Variants in PCDH15 observed in about 807,000 individuals in gnomAD.
The protein encoded by PCDH15 is protocadherin related 15.
A neutral mutation model predicts 178.5 loss-of-function variants in PCDH15; 129 were observed. That is an observed-to-expected ratio of 0.72 (90% CI 0.63 to 0.84). The LOEUF is 0.84. PCDH15 is among the 40% of genes least tolerant of loss of function. PCDH15 has a pLI of 0.00. For missense variants in PCDH15, 2,230 were observed against 2,099.9 expected, an observed-to-expected ratio of 1.06 and a Z score of -1.21; for synonymous variants, 800 against 732.0, an observed-to-expected ratio of 1.09 and a Z score of -1.50.
In PCDH15 at chr10:54,873,169, G is replaced by A. The variant is rs187125522; in HGVS notation, c.-29+24281C>T. Among the ~76,000 whole-genome samples the A allele has an allele frequency of 2.2e-3, 340 of 152,038 alleles. 1 individual carries two copies. Among genetic ancestry groups the A allele is most frequent in the African/African-American group, 7.5e-3 (311 of 41,484 alleles). On this transcript the variant is annotated intron_variant, in intron 3 of 5. Transcript: ENST00000458638. ...TGAATTGATACACTTTCTAAAAAGGGGATATGTTTTTTATATATCGTAGGT... is the reference window on the plus strand; with the variant it reads ...TGAATTGATACACTTTCTAAAAAGGAGATATGTTTTTTATATATCGTAGGT...
chr10:54,448,472 AG>A (rs796574045), intron 3 of PCDH15, among the ~76,000 whole-genome samples: 6 of 151,710 alleles, frequency 4.0e-5, no homozygotes, highest in African/African-American at 9.6e-5. Flanking sequence ...TTAAATTGGG[AG>A]GGGGTATGTT....
chr10:54,590,535 C>T (rs76956723), intron 2 of PCDH15, among the ~76,000 whole-genome samples: 2,764 of 152,174 alleles, frequency 0.018, 88 homozygotes, highest in African/African-American at 0.063. Context: ...TTTCTGGCAG[C>T]CTAATATTAT....
At chr10:55,135,541 A>G (rs920433399) in intron 2 of PCDH15, among the ~76,000 whole-genome samples, 1 of 143,716 alleles carries the variant, frequency 7.0e-6, no homozygotes, top group African/African-American at 2.6e-5. Flanking sequence ...CAGAAACATT[A>G]TAAGGCAAGT....
chr10:54,010,490 C>T (rs1196845801), intron 20 of PCDH15, among the ~76,000 whole-genome samples: 9 of 152,144 alleles, frequency 5.9e-5, no homozygotes, highest in Admixed American at 3.9e-4. Context: ...CTGATGCAAA[C>T]GCCCAGCACA....
At chr10:55,561,483 A>G (rs1396684606) in intron 2 of PCDH15, among the ~76,000 whole-genome samples, 1 of 151,904 alleles carries the variant, frequency 6.6e-6, no homozygotes, top group African/African-American at 2.4e-5. Flanking sequence ...TTTATGAATG[A>G]TAATAATATT....
intron 2 of PCDH15, among the ~76,000 whole-genome samples, chr10:55,085,927 A>G (rs894598092): frequency 4.6e-5 from 7 of 151,742 alleles, no homozygotes; most frequent in Non-Finnish European, 1.0e-4. Flanking sequence ...ATTTAGTTAT[A>G]TGTATTTGAA....
intron 14 of PCDH15, among the ~76,000 whole-genome samples, chr10:54,142,266 A>G (rs1256508516): frequency 6.6e-6 from 1 of 152,164 alleles, no homozygotes; most frequent in East Asian, 1.9e-4. Flanking sequence ...TATCCTATTA[A>G]CTAATCCTTG....
chr10:54,647,089 C>A lies in PCDH15; in HGVS notation c.91+17083G>T, dbSNP rs181203158. Among the ~76,000 whole-genome samples, 12 of 152,166 alleles carry A rather than the reference C, an allele frequency of 7.9e-5. No individual in the cohort carries two copies. The East Asian group carries it at 1.7e-3, about 22-fold the overall frequency. ...CAACCAAGGTGCGGAGACAACCTAA[C>A]TTTTCATTGACAGATGAATACATAA... On this transcript the variant is annotated intron_variant, in intron 2 of 37. Coordinates refer to ENST00000644397, the MANE Select transcript of PCDH15 (RefSeq NM_001384140.1).
At chr10:54,720,677 C>T (rs952169668) in intron 1 of PCDH15, among the ~76,000 whole-genome samples, 1 of 149,458 alleles carries the variant, frequency 6.7e-6, no homozygotes. Context: ...AGTTTCAATG[C>T]AACAAGGTTT....
At chr10:55,098,369 G>A (rs1423673983) in intron 2 of PCDH15, among the ~76,000 whole-genome samples, 12 of 152,070 alleles carry the variant, frequency 7.9e-5, no homozygotes, top group Admixed American at 5.9e-4. Context: ...AAATAGTGAA[G>A]GTAAGGAAGT....
chr10:54,538,530 G>GA (rs1221125898), intron 2 of PCDH15, among the ~76,000 whole-genome samples: 1 of 151,890 alleles, frequency 6.6e-6, no homozygotes, highest in Non-Finnish European at 1.5e-5. Context: ...AGTATAGTTT[G>GA]AAAAAAAGCT....
intron 7 of PCDH15, among the ~76,000 whole-genome samples, chr10:54,326,472 A>G (rs1938122797): frequency 6.6e-6 from 1 of 152,170 alleles, no homozygotes; most frequent in Non-Finnish European, 1.5e-5. Flanking sequence ...CCAGTATTTT[A>G]GTGATTTATA....
intron 2 of PCDH15, among the ~76,000 whole-genome samples, chr10:54,567,541 T>C (rs1287555202): frequency 6.6e-6 from 1 of 152,156 alleles, no homozygotes; most frequent in Non-Finnish European, 1.5e-5. Context: ...AGTTGTATTT[T>C]TATTGTGTTA....
intron 2 of PCDH15, among the ~76,000 whole-genome samples, chr10:55,385,877 CTATT>C (rs1230295748): frequency 2.0e-5 from 3 of 150,378 alleles, no homozygotes; most frequent in South Asian, 2.1e-4. Flanking sequence ...GCACATGTAT[CTATT>C]TAAATATCTA....
intron 1 of PCDH15, among the ~76,000 whole-genome samples, chr10:55,246,044 T>C (rs1211233500): frequency 6.6e-6 from 1 of 152,120 alleles, no homozygotes; most frequent in African/African-American, 2.4e-5. Context: ...ATCTGGAAAA[T>C]CAATAAAGCA....
chr10:54,865,961 T>C (rs567350859), intron 3 of PCDH15, among the ~76,000 whole-genome samples: 40 of 152,238 alleles, frequency 2.6e-4, no homozygotes, highest in African/African-American at 9.1e-4. Flanking sequence ...GAAACAAGGT[T>C]TGAAATTGGA....
chr10:54,182,188 A>G (rs769052687), intron 13 of PCDH15, among the ~76,000 whole-genome samples: 22 of 152,180 alleles, frequency 1.4e-4, no homozygotes, highest in Non-Finnish European at 2.6e-4. Context: ...GCTGGTCTCG[A>G]GCTCCTTAGC....
intron 2 of PCDH15, among the ~76,000 whole-genome samples, chr10:54,529,857 G>A (rs1441450537): frequency 3.3e-5 from 5 of 151,588 alleles, no homozygotes; most frequent in South Asian, 4.2e-4. Flanking sequence ...GAATAATTAG[G>A]CTTTGGAAAG....
At chr10:55,464,416 G>GA (rs964294174) in intron 2 of PCDH15, among the ~76,000 whole-genome samples, 40 of 151,342 alleles carry the variant, frequency 2.6e-4, no homozygotes, top group African/African-American at 8.2e-4. Context: ...AACAATGAAA[G>GA]AAAAAAAAGA....
Sources: allele counts gnomAD v4.1 joint callset (sites outside exome capture counted in the v4.1 genomes callset), GRCh38; gene constraint gnomAD v4.1.1; transcripts MANE v1.5; gene names NCBI Gene and HGNC (gene_info 2026-07-23, HGNC 2026-07-21).